VAV3: variants seen among roughly 807,000 people sequenced by gnomAD.
VAV3 encodes the protein guanine nucleotide exchange factor VAV3.
Under a neutral mutation model 131.2 loss-of-function variants are expected in VAV3, and 94 were observed. The ratio of observed to expected loss-of-function variants is 0.72; its 90% CI spans 0.61 to 0.85. The LOEUF (loss-of-function observed/expected upper bound fraction) is 0.85. Ranked by LOEUF, VAV3 falls within the 40% of genes least tolerant of loss-of-function variation. VAV3 has a pLI of 0.00. For missense variants in VAV3, 939 were observed against 1,002.7 expected (o/e 0.94, Z 0.86); for synonymous variants, 349 against 342.0 (o/e 1.02, Z -0.22).
chr1:107,601,299 G>C (rs1223840565), intron 24 of VAV3, among the ~76,000 whole-genome samples: 1 of 152,124 alleles, frequency 6.6e-6, no homozygotes, highest in Non-Finnish European at 1.5e-5. Flanking sequence ...AACTGGGAAT[G>C]ATCTTTACAT....
intron 15 of VAV3, among the ~76,000 whole-genome samples, chr1:107,711,070 CAAG>C (rs1236744682): frequency 1.8e-4 from 27 of 151,758 alleles, no homozygotes; most frequent in African/African-American, 4.8e-4. Context: ...TGTAATATGA[CAAG>C]AAAAATGAAT....
At chr1:107,898,104 A>T (rs1159036898) in intron 1 of VAV3, among the ~76,000 whole-genome samples, 18 of 87,674 alleles carry the variant, frequency 2.1e-4, no homozygotes, top group East Asian at 2.2e-4. Context: ...TTATTAAATT[A>T]AAAAAAAAAG....
chr1:107,674,135 T>C (rs1374087410), intron 19 of VAV3, among the ~76,000 whole-genome samples: 3 of 152,252 alleles, frequency 2.0e-5, no homozygotes, highest in Non-Finnish European at 4.4e-5. Flanking sequence ...TTGATTCAAA[T>C]AGTTAACTCC....
Position 107,868,652 on chromosome 1 carries a change from A to G in VAV3, c.321+6249T>C, listed in dbSNP as rs12071554. On this transcript the variant is annotated intron_variant, in intron 2 of 26. Coordinates refer to ENST00000370056, the MANE Select transcript of VAV3 (RefSeq NM_006113.5). ...CTATTTTATTATTTACATGCTGCAA[A>G]ATAGGTTCTGGGACTTTGTCTTTAT... 8.2e-3 allele frequency among the ~76,000 whole-genome samples: 1,249 copies of G among 152,280 alleles called. 16 individuals carry two copies. The highest frequency in any genetic ancestry group is 0.027 in the African/African-American group (1,132 of 41,574).
At chr1:107,700,503 C>G (rs1470753553) in intron 17 of VAV3, among the ~76,000 whole-genome samples, 1 of 152,142 alleles carries the variant, frequency 6.6e-6, no homozygotes, top group Non-Finnish European at 1.5e-5. Flanking sequence ...CTCCCTGTGT[C>G]CATGTGTTCT....
chr1:107,856,883 T>C (rs1217426516), intron 2 of VAV3, among the ~76,000 whole-genome samples: 9 of 151,960 alleles, frequency 5.9e-5, no homozygotes, highest in Non-Finnish European at 1.3e-4. Context: ...CAAAAACTTT[T>C]AAAATTAGCT....
At chr1:107,727,508 T>C (rs17019828) in intron 15 of VAV3, among the ~76,000 whole-genome samples, 11,562 of 152,292 alleles carry the variant, frequency 0.076, 531 homozygotes, top group African/African-American at 0.13. Context: ...ATCAGGTTTA[T>C]TGGCAATTTT....
intron 2 of VAV3, among the ~76,000 whole-genome samples, chr1:107,853,295 A>G (rs1365627728): frequency 6.6e-6 from 1 of 152,234 alleles, no homozygotes; most frequent in Non-Finnish European, 1.5e-5. Flanking sequence ...AGATAATAAC[A>G]GAATGGAGCT....
chr1:107,771,409 C>T (rs569182034), intron 5 of VAV3, among the ~76,000 whole-genome samples: 51 of 152,232 alleles, frequency 3.4e-4, no homozygotes, highest in East Asian at 2.7e-3. Context: ...CCCGCCGCCA[C>T]GCCCAGCTAA....
At chr1:107,881,834 C>A (rs1670796715) in intron 1 of VAV3, among the ~76,000 whole-genome samples, 2 of 152,224 alleles carry the variant, frequency 1.3e-5, no homozygotes, top group South Asian at 4.1e-4. Flanking sequence ...GGTGCAGCCT[C>A]CTGTTACCAC....
intron 18 of VAV3, among the ~76,000 whole-genome samples, chr1:107,688,154 A>C (rs910262153): frequency 1.3e-5 from 2 of 152,202 alleles, no homozygotes; most frequent in Admixed American, 1.3e-4. Context: ...CTTTGATTAA[A>C]TATTCACATT....
intron 1 of VAV3, among the ~76,000 whole-genome samples, chr1:107,884,138 T>A (rs113379060): frequency 0.014 from 2,095 of 149,582 alleles, 46 homozygotes; most frequent in African/African-American, 0.05. Flanking sequence ...GGGGCCCAGT[T>A]TAAAAAAAAA....
intron 15 of VAV3, among the ~76,000 whole-genome samples, chr1:107,716,672 C>A (rs570468078): frequency 7.3e-4 from 111 of 152,304 alleles, no homozygotes; most frequent in Admixed American, 1.8e-3. Flanking sequence ...CGATGTTCAT[C>A]AGGGATATTG....
At chr1:107,819,835 G>T (rs1241458368) in intron 2 of VAV3, among the ~76,000 whole-genome samples, 1 of 152,050 alleles carries the variant, frequency 6.6e-6, no homozygotes, top group African/African-American at 2.4e-5. Flanking sequence ...GTCTGGGGTT[G>T]CCATACAAAA....
intron 1 of VAV3, among the ~76,000 whole-genome samples, chr1:107,899,282 A>C (rs984634719): frequency 6.6e-6 from 1 of 152,164 alleles, no homozygotes; most frequent in African/African-American, 2.4e-5. Flanking sequence ...GAGATATATT[A>C]ATAAAAAAAT....
chr1:107,945,693 GCAC>G (rs1243401020), intron 1 of VAV3, among the ~76,000 whole-genome samples: 2 of 151,832 alleles, frequency 1.3e-5, no homozygotes, highest in Non-Finnish European at 2.9e-5. Context: ...GTGGTGGCGG[GCAC>G]CTGTAATCCC....
At chr1:107,632,745 T>G (rs901583595) in intron 20 of VAV3, among the ~76,000 whole-genome samples, 3 of 152,242 alleles carry the variant, frequency 2.0e-5, no homozygotes, top group African/African-American at 7.2e-5. Context: ...GTCTGAGTAG[T>G]GAACAGAGTT....
chr1:107,832,541 A>T (rs544550863), intron 2 of VAV3, among the ~76,000 whole-genome samples: 26 of 152,300 alleles, frequency 1.7e-4, no homozygotes, highest in African/African-American at 6.0e-4. Flanking sequence ...TTTCATTTCT[A>T]TCTGAGTCTT....
At chr1:107,795,724 G>T (rs6685198) in intron 2 of VAV3, among the ~76,000 whole-genome samples, 55,716 of 152,102 alleles carry the variant, frequency 0.37, 10,697 homozygotes, top group Non-Finnish European at 0.4. Flanking sequence ...AGTCGTTAGG[G>T]CTTTAATAGT....
Sources: allele counts gnomAD v4.1 joint callset (sites outside exome capture counted in the v4.1 genomes callset), GRCh38; gene constraint gnomAD v4.1.1; transcripts MANE v1.5; gene names NCBI Gene and HGNC (gene_info 2026-07-23, HGNC 2026-07-21).